Variants in ARHGEF10L observed in about 807,000 individuals in gnomAD.
The protein encoded by ARHGEF10L is rho guanine nucleotide exchange factor 10-like protein.
Under a neutral mutation model 141.2 loss-of-function variants are expected in ARHGEF10L, and 69 were observed. The observed-to-expected ratio is 0.49, with a 90% CI of 0.40 to 0.60. The LOEUF is 0.60. ARHGEF10L is among the 20% of genes least tolerant of loss of function. The pLI is 0.00. For synonymous variants in ARHGEF10L, 711 were observed against 718.5 expected, an observed-to-expected ratio of 0.99 and a Z score of 0.17; for missense variants, 1,482 against 1,734.3, an observed-to-expected ratio of 0.85 and a Z score of 2.58.
chr1:17,537,871 AAAAG>A (rs1262691865), upstream of ARHGEF10L, among the ~76,000 whole-genome samples: 17 of 151,178 alleles, frequency 1.1e-4, no homozygotes, highest in South Asian at 1.5e-3. Flanking sequence ...AAAAAAAAAA[AAAAG>A]AAAGAAAAGA....
chr1:17,542,628 A>G (rs2076770548), intron 1 of ARHGEF10L, among the ~76,000 whole-genome samples: 1 of 152,220 alleles, frequency 6.6e-6, no homozygotes, highest in Non-Finnish European at 1.5e-5. Context: ...TAATTTTGAA[A>G]AGATAAAGTA....
chr1:17,528,049 A>G, the ARHGEF10L span, among the ~76,000 whole-genome samples: 2 of 150,884 alleles, frequency 1.3e-5, no homozygotes, highest in African/African-American at 4.9e-5. Context: ...TTGTATTTTT[A>G]GTAGAGATGA....
chr1:17,535,342 G>A (rs149498588), upstream of ARHGEF10L, among the ~76,000 whole-genome samples: 30 of 152,292 alleles, frequency 2.0e-4, no homozygotes, highest in East Asian at 5.2e-3. Context: ...TAGAGATGAA[G>A]CTTGCTTACC....
rs1482916629 is a variant in ARHGEF10L, at chr1:17,697,385, TCCCCTCTCC to T, written c.*8_*16del. The stretch of plus-strand genomic sequence containing the variant: ...CAGGTGCCCTTGATGCTATAGCGCC[TCCCCTCTCC>T]CCTCAGAGGGCACAGCTGCAGGCCT... On this transcript the variant is annotated 3_prime_UTR_variant, in exon 29 of 29. Coordinates refer to ENST00000361221, the MANE Select transcript of ARHGEF10L (RefSeq NM_018125.4). This position sits in a 1 kb window ranked among gnomAD's most constrained non-coding sequence, Gnocchi z 4.8. 2 of 1,573,748 alleles carry T rather than the reference TCCCCTCTCC, an allele frequency of 1.3e-6. No individual in the cohort carries two copies. Among genetic ancestry groups the T allele is most frequent in the East Asian group, 4.5e-5 (2 of 44,354 alleles).
intron 4 of ARHGEF10L, among the ~76,000 whole-genome samples, chr1:17,598,612 C>A (rs2080339131): frequency 6.6e-6 from 1 of 152,106 alleles, no homozygotes; most frequent in Non-Finnish European, 1.5e-5. Context: ...ATGACCTAAT[C>A]ACCTCTGCAA....
At chr1:17,680,156 C>T (rs538992455) in intron 26 of ARHGEF10L, among the ~76,000 whole-genome samples, 7 of 152,262 alleles carry the variant, frequency 4.6e-5, no homozygotes, top group Non-Finnish European at 1.0e-4. Context: ...ATAGAGTCTC[C>T]GTGAGGTGGG....
At position 17,613,131 on chromosome 1, in the gene ARHGEF10L, G is replaced by T. The variant is rs144936441; in HGVS notation, c.683G>T (p.Gly228Val). 149 of 1,613,950 alleles carry T rather than the reference G, an allele frequency of 9.2e-5. No individual in the cohort carries two copies. The highest frequency in any genetic ancestry group is 1.1e-4 in the Non-Finnish European group (127 of 1,179,930). The change falls in exon 8 of 29, where the codon GGG (glycine) becomes GTG (valine). Residue 228 changes from glycine (G) to valine (V), a missense_variant. By Grantham distance (109) the Gly-to-Val change is moderately radical. This residue lies in a region of ARHGEF10L where 392 missense variants were observed against 542.1 expected (regional missense o/e 0.72). Coordinates refer to ENST00000361221, the MANE Select transcript of ARHGEF10L (RefSeq NM_018125.4). The stretch of plus-strand genomic sequence containing the variant: ...AGAGACATCTTGGCTTTGAGAGTTG[G>T]GGGGAGAGACATGCAGGAGCTGAAG... The part of the protein sequence containing the change: ...TKRDILALRV[G>V]GRDMQELKHK...
the ARHGEF10L span, among the ~76,000 whole-genome samples, chr1:17,522,082 C>G: frequency 6.6e-6 from 1 of 152,148 alleles, no homozygotes; most frequent in African/African-American, 2.4e-5. Context: ...ATCTTCGATA[C>G]CACTGTCAGG....
chr1:17,566,783 G>A (rs1380158598), intron 1 of ARHGEF10L, among the ~76,000 whole-genome samples: 1 of 152,194 alleles, frequency 6.6e-6, no homozygotes, highest in Admixed American at 6.5e-5. Context: ...CTATGACCAG[G>A]GGACCAAGTG....
chr1:17,547,524 T>C (rs2076960027), intron 1 of ARHGEF10L, among the ~76,000 whole-genome samples: 1 of 152,188 alleles, frequency 6.6e-6, no homozygotes, highest in African/African-American at 2.4e-5. Context: ...ATTACTCCCC[T>C]CTCTTCATTG....
chr1:17,632,554 A>G, intron 16 of ARHGEF10L, 88 bp downstream of exon 16: 1 of 1,550,372 alleles, frequency 6.5e-7, no homozygotes, highest in South Asian at 1.1e-5. Flanking sequence ...GCCGCACTAC[A>G]GTGGGACCCC....
chr1:17,593,408 A>G (rs1294443062), intron 4 of ARHGEF10L, among the ~76,000 whole-genome samples: 1 of 152,066 alleles, frequency 6.6e-6, no homozygotes, highest in African/African-American at 2.4e-5. Context: ...GACTTGGCAG[A>G]TGTGATTAAG....
At chr1:17,672,121 C>T (rs1484262942) in intron 26 of ARHGEF10L, among the ~76,000 whole-genome samples, 1 of 152,090 alleles carries the variant, frequency 6.6e-6, no homozygotes, top group Non-Finnish European at 1.5e-5. Context: ...GCTTTTTGTC[C>T]CTAAGCAGGA....
In ARHGEF10L at chr1:17,587,488, C is replaced by A. The variant is rs1352854012; in HGVS notation, c.66C>A (p.Gly22=). Reference sequence around the variant, plus strand: ...ATCAGCTGGTTCCAGGAGTCCCAGGCCCCTCCTCTGAGGCAGAGGACGACC... The same window carrying A: ...ATCAGCTGGTTCCAGGAGTCCCAGGACCCTCCTCTGAGGCAGAGGACGACC... The part of the protein sequence containing the change: ...IGDQLVPGVP[G]PSSEAEDDPG... Residue 22 remains glycine, a synonymous_variant, in exon 3 of 29, where the codon GGC becomes GGA. Coordinates refer to ENST00000361221, the MANE Select transcript of ARHGEF10L (RefSeq NM_018125.4). The A allele has an allele frequency of 6.2e-7, 1 of 1,613,906 alleles. No homozygotes were observed.
chr1:17,571,460 G>A lies in ARHGEF10L; in HGVS notation c.-43-9093G>A, dbSNP rs533891919. ...CTCCTCGGGGAAGTCTTGTAAAGGG[G>A]AGCAGAGAAATGGGGTAGTGGGTGG... On this transcript the variant is annotated intron_variant, in intron 1 of 28. Coordinates refer to ENST00000361221, the MANE Select transcript of ARHGEF10L (RefSeq NM_018125.4). Among the ~76,000 whole-genome samples the A allele has an allele frequency of 7.2e-5, 11 of 152,296 alleles. No individual in the cohort carries two copies. The East Asian group carries it at 1.4e-3, about 19-fold the overall frequency.
intron 2 of ARHGEF10L, among the ~76,000 whole-genome samples, chr1:17,583,285 G>A (rs1278247967): frequency 1.3e-5 from 2 of 151,938 alleles, no homozygotes; most frequent in Admixed American, 6.6e-5. Context: ...CTGAGGCCGG[G>A]TCTTGCCTGT....
chr1:17,560,064 G>A (rs573996708), intron 1 of ARHGEF10L, among the ~76,000 whole-genome samples: 1 of 152,270 alleles, frequency 6.6e-6, no homozygotes, highest in Non-Finnish European at 1.5e-5. Context: ...GCTTCTTGGG[G>A]GACAGCTAGG....
Position 17,587,604 on chromosome 1 carries a change from C to T in ARHGEF10L, c.182C>T (p.Thr61Ile). Residue 61 changes from threonine to isoleucine, a missense_variant, in exon 3 of 29, where the codon ACA becomes ATA. By Grantham distance (89) the Thr-to-Ile change is moderately conservative (BLOSUM62 -1). This residue lies in a region of ARHGEF10L where 232 missense variants were observed against 225.9 expected (regional missense o/e 1.03). Transcript: ENST00000361221. ...GVPSLAPERD[T>I]DPPLIHLDSI... ...CCCAGCCTTGCTCCTGAGAGGGACA[C>T]AGACCCCCCACTGATCCACTTGGAC... The T allele has an allele frequency of 6.2e-7, 1 of 1,614,058 alleles. No individual in the cohort carries two copies. Among genetic ancestry groups the T allele is most frequent in the African/African-American group, 1.3e-5 (1 of 75,062 alleles).
chr1:17,532,934 G>T, the ARHGEF10L span, among the ~76,000 whole-genome samples: 4 of 152,112 alleles, frequency 2.6e-5, no homozygotes, highest in Non-Finnish European at 5.9e-5. Flanking sequence ...ATACAGGAAG[G>T]CTAAAGCACG....
Sources: allele counts gnomAD v4.1 joint callset (sites outside exome capture counted in the v4.1 genomes callset), GRCh38; gene constraint gnomAD v4.1.1; regional missense constraint gnomAD v4.1.1; non-coding constraint Gnocchi (gnomAD v3.1); transcripts MANE v1.5; gene names NCBI Gene and HGNC (gene_info 2026-07-23, HGNC 2026-07-21).